Variants in MAEL observed in about 807,000 individuals in gnomAD.
MAEL encodes the protein protein maelstrom homolog.
Under a neutral mutation model 62.0 loss-of-function variants are expected in MAEL, and 46 were observed. That is an observed-to-expected ratio of 0.74 (90% CI 0.59 to 0.95). The LOEUF is 0.95. MAEL is among the 40% of genes least tolerant of loss of function. The pLI is 0.00. For synonymous variants in MAEL, 172 were observed against 175.5 expected (o/e 0.98, Z 0.16); for missense variants, 497 against 526.8 (o/e 0.94, Z 0.55).
At chr1:167,003,031 T>C (rs542831927) in intron 5 of MAEL, among the ~76,000 whole-genome samples, 5 of 152,292 alleles carry the variant, frequency 3.3e-5, no homozygotes, top group African/African-American at 1.2e-4. Context: ...AGAAGGTGTT[T>C]TATTTGTTCA....
Position 167,021,125 on chromosome 1 carries a change from C to A in MAEL, c.1082C>A (p.Ser361Tyr). The A allele has an allele frequency of 6.2e-7, 1 of 1,612,518 alleles. No individual in the cohort carries two copies. ...AGTTCAGGATTCTCTCATTTCAACT[C>A]TTCTAATGAGGAACAAAGATCAAAC... ...VGSSGFSHFN[S>Y]SNEEQRSNTP... Residue 361 changes from serine (S) to tyrosine (Y), a missense_variant, in exon 11 of 12, where the codon TCT becomes TAT. Transcript: ENST00000367872.
At chr1:166,992,082 C>A (rs1571244158) in intron 3 of MAEL, among the ~76,000 whole-genome samples, 2 of 152,198 alleles carry the variant, frequency 1.3e-5, no homozygotes, top group East Asian at 3.9e-4. Flanking sequence ...AAGAAGAGAA[C>A]ATAGTTAATA....
intron 5 of MAEL, among the ~76,000 whole-genome samples, chr1:167,003,962 C>G (rs1664781724): frequency 6.6e-6 from 1 of 152,114 alleles, no homozygotes; most frequent in Non-Finnish European, 1.5e-5. Context: ...TCTCAGTTGT[C>G]TCTCATACAC....
chr1:166,986,272 G>C (rs1425189406), upstream of MAEL, among the ~76,000 whole-genome samples: 2 of 152,084 alleles, frequency 1.3e-5, no homozygotes, highest in Non-Finnish European at 2.9e-5. Flanking sequence ...TGGTTTCACA[G>C]GTGTACACGT....
chr1:167,019,965 C>T (rs768189606), intron 10 of MAEL, among the ~76,000 whole-genome samples: 26 of 152,268 alleles, frequency 1.7e-4, no homozygotes, highest in Non-Finnish European at 2.8e-4. Context: ...TTGTCTTCTA[C>T]CTAACAATCA....
At chr1:167,009,008 A>G (rs1665049417) in intron 8 of MAEL, among the ~76,000 whole-genome samples, 1 of 152,052 alleles carries the variant, frequency 6.6e-6, no homozygotes, top group Non-Finnish European at 1.5e-5. Context: ...ATATGAGAAT[A>G]TACTTTCTTT....
In MAEL at chr1:166,989,786, G is replaced by T. The variant is rs1252120524; in HGVS notation, c.182G>T (p.Trp61Leu). The T allele has an allele frequency of 6.2e-7, 1 of 1,613,990 alleles. No homozygotes were observed. Among genetic ancestry groups the T allele is most frequent in the Admixed American group, 1.7e-5 (1 of 60,026 alleles). The stretch of plus-strand genomic sequence containing the variant: ...AAATACGCAGAAATGGCTCGAGAAT[G>T]GAGGGCCGCTCAGGGAAAGGACCCT... The part of the protein sequence containing the change: ...KEKYAEMARE[W>L]RAAQGKDPGP... The change falls in exon 2 of 12, where the codon TGG (tryptophan) becomes TTG (leucine). Residue 61 changes from tryptophan to leucine, a missense_variant. Physicochemically the swap from Trp to Leu is moderately conservative, Grantham distance 61. Transcript: ENST00000367872.
At chr1:167,000,630 A>G (rs1325805119) in intron 5 of MAEL, among the ~76,000 whole-genome samples, 1 of 152,216 alleles carries the variant, frequency 6.6e-6, no homozygotes, top group East Asian at 1.9e-4. Flanking sequence ...ATGTTATCAA[A>G]CAGTATCACA....
At chr1:167,018,009 A>T in intron 10 of MAEL, 50 bp downstream of exon 10, 1 of 1,559,292 alleles carries the variant, frequency 6.4e-7, no homozygotes, top group Non-Finnish European at 8.7e-7. Context: ...TGTTCTACTC[A>T]ATGTGATTCT....
At chr1:167,017,677 TTA>T in intron 9 of MAEL, 148 bp from the exon 10 acceptor site, 1 of 591,114 alleles carries the variant, frequency 1.7e-6, no homozygotes, top group Non-Finnish European at 2.8e-6. Flanking sequence ...TGCTATTTAT[TTA>T]TATGTCTTCT....
intron 4 of MAEL, among the ~76,000 whole-genome samples, chr1:166,993,108 A>G (rs1054552874): frequency 3.3e-5 from 5 of 152,138 alleles, no homozygotes; most frequent in African/African-American, 1.2e-4. Context: ...TCACCTACCT[A>G]TGGCCTTACA....
upstream of MAEL, among the ~76,000 whole-genome samples, chr1:166,986,974 G>A (rs1161804343): frequency 6.9e-6 from 1 of 145,270 alleles, no homozygotes; most frequent in African/African-American, 2.8e-5. Flanking sequence ...GTGTGTGTGT[G>A]TGTGTGTTTA....
chr1:167,002,908 G>A (rs188756687), intron 5 of MAEL, among the ~76,000 whole-genome samples: 28 of 152,150 alleles, frequency 1.8e-4, no homozygotes, highest in Admixed American at 5.9e-4. Context: ...AATTGGTAAC[G>A]CCCTGGGAAG....
At chr1:167,013,958 G>A (rs912854621) in intron 8 of MAEL, among the ~76,000 whole-genome samples, 24 of 152,138 alleles carry the variant, frequency 1.6e-4, no homozygotes, top group Non-Finnish European at 3.5e-4. Flanking sequence ...CAGAAGTTCA[G>A]CCTCATGTCT....
intron 1 of MAEL, among the ~76,000 whole-genome samples, chr1:166,979,943 A>G (rs1663708139): frequency 6.6e-6 from 1 of 152,260 alleles, no homozygotes; most frequent in Non-Finnish European, 1.5e-5. Context: ...TAAAAGGGAC[A>G]AAGGAAATAA....
At chr1:167,016,853 C>CA (rs1452168679) in intron 9 of MAEL, among the ~76,000 whole-genome samples, 2 of 152,008 alleles carry the variant, frequency 1.3e-5, no homozygotes, top group Admixed American at 1.3e-4. Context: ...AACTAGAGGT[C>CA]ATTATGTTAA....
intron 1 of MAEL, among the ~76,000 whole-genome samples, chr1:166,979,986 T>C (rs546400585): frequency 6.6e-6 from 1 of 152,322 alleles, no homozygotes; most frequent in East Asian, 1.9e-4. Context: ...GGGAAGATCA[T>C]CATTCATTTA....
chr1:166,992,751 G>A lies in MAEL; in HGVS notation c.391G>A (p.Glu131Lys), dbSNP rs1279970270. Residue 131 changes from glutamate (E) to lysine (K), a missense_variant, in exon 4 of 12, where the codon GAA becomes AAA. Coordinates refer to ENST00000367872, the MANE Select transcript of MAEL (RefSeq NM_032858.3). Reference sequence around the variant, plus strand: ...CCATGGCGAGCTACCTCCTCATTGTGAACAGCGCTTCCTCCCTTGTGAAAT... The same window carrying A: ...CCATGGCGAGCTACCTCCTCATTGTAAACAGCGCTTCCTCCCTTGTGAAAT... The part of the protein sequence containing the change: ...FSHGELPPHC[E>K]QRFLPCEIGC... 4.3e-6 allele frequency: 7 copies of A among 1,611,356 alleles called. No homozygotes were observed. Among genetic ancestry groups the A allele is most frequent in the Non-Finnish European group, 5.9e-6 (7 of 1,179,062 alleles).
upstream of MAEL, chr1:166,989,212 T>A: frequency 8.8e-7 from 1 of 1,137,324 alleles, no homozygotes; most frequent in Admixed American, 2.6e-5. Flanking sequence ...CGCGGGGCAA[T>A]GCGACTGCGC....
Sources: gnomAD v4.1 joint callset for allele counts (sites outside exome capture counted in the v4.1 genomes callset) on GRCh38, gnomAD v4.1.1 for gene constraint, MANE v1.5 for transcripts, NCBI Gene and HGNC (gene_info 2026-07-23, HGNC 2026-07-21) for gene names.